The following PCMT1 variants were observed in gnomAD, a reference collection of about 807,000 sequenced individuals.
The protein encoded by PCMT1 is protein-L-isoaspartate (D-aspartate) O-methyltransferase, also known as protein-L-isoaspartate(D-aspartate) O-methyltransferase.
In PCMT1, 9 loss-of-function variants were observed where a neutral mutation model predicts 29.2. The ratio of observed to expected loss-of-function variants is 0.31; its 90% CI spans 0.19 to 0.54. PCMT1 has a LOEUF of 0.54. Ranked by LOEUF, PCMT1 falls within the 20% of genes least tolerant of loss-of-function variation. The pLI is 0.95. For synonymous variants in PCMT1, 98 were observed against 97.5 expected, an observed-to-expected ratio of 1.00 and a Z score of -0.03; for missense variants, 184 against 282.2, an observed-to-expected ratio of 0.65 and a Z score of 2.49.
In PCMT1 at chr6:149,793,549, G is replaced by A. The variant is rs759375385; in HGVS notation, c.298G>A (p.Val100Ile). 5.4e-6 allele frequency: 8 copies of A among 1,468,812 alleles called. No homozygotes were observed. The South Asian group carries it at 1.1e-4, about 21-fold the overall frequency. The allele number at this position is 1,468,812 out of a possible 1,614,324, so 91.0% of individuals were successfully genotyped here. A position where few individuals can be genotyped will look rare whatever the true frequency, so the allele number is the denominator to read the frequency against. Reference protein sequence around the residue: ...GILTACFARMVGCTGKVIGID... With the variant: ...GILTACFARMIGCTGKVIGID... ...TACTGAATTGTTTTCTCTTTTCCAG[G>A]TTGGATGTACTGGAAAAGTCATAGG... The change falls in exon 5 of 8, where the codon GTT becomes ATT. Residue 100 changes from valine to isoleucine, a missense_variant and splice_region_variant. By Grantham distance (29) the Val-to-Ile change is conservative. Transcript: ENST00000464889.
chr6:149,796,640 C>CT, intron 6 of PCMT1, 140 bp downstream of exon 6: 1 of 563,656 alleles, frequency 1.8e-6, no homozygotes, highest in Non-Finnish European at 3.1e-6. Flanking sequence ...AGCTGTTACT[C>CT]TTTTCTTTTT....
At chr6:149,793,782 T>G (rs1788485320) in intron 5 of PCMT1, 113 bp downstream of exon 5, 2 of 895,596 alleles carry the variant, frequency 2.2e-6, no homozygotes, top group Non-Finnish European at 3.1e-6. Context: ...TACAATCACT[T>G]TTAAGTACTA....
chr6:149,776,155 G>T (rs1787555108), intron 3 of PCMT1, among the ~76,000 whole-genome samples: 1 of 152,084 alleles, frequency 6.6e-6, no homozygotes, highest in South Asian at 2.1e-4. Flanking sequence ...GTGAAAGTCT[G>T]TCTCAAAAAA....
intron 1 of PCMT1, among the ~76,000 whole-genome samples, chr6:149,751,720 T>A (rs1786327928): frequency 6.6e-6 from 1 of 152,028 alleles, no homozygotes; most frequent in Non-Finnish European, 1.5e-5. Flanking sequence ...GACTTCATGA[T>A]CTGCCCACCT....
chr6:149,778,701 C>A (rs1787682783), intron 3 of PCMT1, among the ~76,000 whole-genome samples: 1 of 152,026 alleles, frequency 6.6e-6, no homozygotes. Flanking sequence ...CCACCCTTTA[C>A]TTTTTAAAAA....
chr6:149,773,009 T>G (rs1228658177), intron 2 of PCMT1, 129 bp from the exon 3 acceptor site: 1 of 692,584 alleles, frequency 1.4e-6, no homozygotes, highest in East Asian at 3.1e-5. Flanking sequence ...ACAGTGAGAC[T>G]GTCTCAGAAA....
At chr6:149,762,809 C>A (rs1786854270) in intron 1 of PCMT1, among the ~76,000 whole-genome samples, 1 of 47,726 alleles carries the variant, frequency 2.1e-5, no homozygotes. Flanking sequence ...ATATATATAT[C>A]TATGATAATC....
intron 7 of PCMT1, among the ~76,000 whole-genome samples, chr6:149,807,457 G>C (rs961547899): frequency 6.6e-6 from 1 of 152,026 alleles, no homozygotes; most frequent in Non-Finnish European, 1.5e-5. Flanking sequence ...CTGCACCTCC[G>C]CCTCCTGGGT....
intron 1 of PCMT1, among the ~76,000 whole-genome samples, chr6:149,765,392 T>C (rs1327280047): frequency 6.6e-6 from 1 of 150,738 alleles, no homozygotes; most frequent in Non-Finnish European, 1.5e-5. Context: ...AAAAAATGCT[T>C]TCAGTGTTTT....
intron 7 of PCMT1, among the ~76,000 whole-genome samples, chr6:149,803,780 G>A (rs1364072731): frequency 7.0e-6 from 1 of 143,486 alleles, no homozygotes. Context: ...TGAATTATAC[G>A]TGGAGCACAG....
chr6:149,786,388 G>A (rs1287276596), intron 3 of PCMT1, among the ~76,000 whole-genome samples: 1 of 123,512 alleles, frequency 8.1e-6, no homozygotes, highest in Non-Finnish European at 1.7e-5. Context: ...CCTCCCTCCC[G>A]GACGGGGTGG....
intron 3 of PCMT1, among the ~76,000 whole-genome samples, chr6:149,786,189 G>A (rs1395520435): frequency 8.1e-6 from 1 of 123,786 alleles, no homozygotes; most frequent in Non-Finnish European, 1.6e-5. Context: ...CCTCCCAGAC[G>A]GGGCGGCTGG....
rs183628276 is a variant in PCMT1 at position 149,777,503 on chromosome 6, A to C, written c.192+4334A>C. Among the ~76,000 whole-genome samples, 41 of 152,340 alleles carry C rather than the reference A, an allele frequency of 2.7e-4. 1 individual carries two copies. The East Asian group carries it at 7.3e-3, about 27-fold the overall frequency. On this transcript the variant is annotated intron_variant, in intron 3 of 7. Coordinates refer to ENST00000464889, the MANE Select transcript of PCMT1 (RefSeq NM_001360452.2). ...CAAGTACAAATATGACAAAGTCTTC[A>C]AGAAATGCAGTATAATACTTACAGG...
At chr6:149,781,684 G>A (rs889180536) in intron 3 of PCMT1, among the ~76,000 whole-genome samples, 5 of 152,068 alleles carry the variant, frequency 3.3e-5, no homozygotes, top group Non-Finnish European at 5.9e-5. Flanking sequence ...TGGGTTATTT[G>A]TCTTTTCATT....
At chr6:149,779,244 GTAAAACA>G (rs61355118) in intron 3 of PCMT1, among the ~76,000 whole-genome samples, 47,016 of 151,796 alleles carry the variant, frequency 0.31, 8,154 homozygotes, top group East Asian at 0.49. Flanking sequence ...TCCCAAGGAT[GTAAAACA>G]TATGGTGTAA....
chr6:149,771,308 T>TA (rs1787312397), intron 2 of PCMT1, 42 bp downstream of exon 2: 1 of 1,213,810 alleles, frequency 8.2e-7, no homozygotes, highest in Non-Finnish European at 1.2e-6. Context: ...TTTCATCATT[T>TA]ACTTTATGAT....
intron 1 of PCMT1, among the ~76,000 whole-genome samples, chr6:149,751,329 T>A (rs1003318924): frequency 8.6e-5 from 13 of 150,790 alleles, no homozygotes; most frequent in Admixed American, 1.3e-4. Flanking sequence ...AAAAAAAAAA[T>A]TTTTTTTTGA....
At chr6:149,798,359 T>C (rs1339965092) in intron 6 of PCMT1, among the ~76,000 whole-genome samples, 2 of 152,268 alleles carry the variant, frequency 1.3e-5, no homozygotes, top group Admixed American at 1.3e-4. Flanking sequence ...GAAATAGAAC[T>C]GTGCTTAAAT....
chr6:149,785,324 TTCTA>T (rs1174349694), intron 3 of PCMT1, among the ~76,000 whole-genome samples: 10 of 137,488 alleles, frequency 7.3e-5, no homozygotes, highest in African/African-American at 2.6e-4. Context: ...GGCATTTTCG[TTCTA>T]TCTTTCTCTT....
Sources: allele counts gnomAD v4.1 joint callset (sites outside exome capture counted in the v4.1 genomes callset), GRCh38; gene constraint gnomAD v4.1.1; transcripts MANE v1.5; gene names NCBI Gene and HGNC (gene_info 2026-07-23, HGNC 2026-07-21).